Variants in CEP43 observed in about 807,000 individuals in gnomAD.
CEP43 encodes FGFR1 oncogene partner.
Under a neutral mutation model 52.6 loss-of-function variants are expected in CEP43, and 36 were observed. The observed-to-expected ratio is 0.68, with a 90% confidence interval of 0.52 to 0.90. CEP43 has a LOEUF of 0.90. Among genes scored for constraint, CEP43 ranks in the 40% least tolerant of loss-of-function variants. The pLI, the probability that CEP43 is intolerant of heterozygous loss-of-function variation, is 0.00. For missense variants in CEP43, 506 were observed against 472.8 expected (o/e 1.07, Z -0.65); for synonymous variants, 192 against 172.4 (o/e 1.11, Z -0.89).
chr6:167,001,587 C>T (rs560774766), intron 2 of CEP43, among the ~76,000 whole-genome samples: 3 of 152,296 alleles, frequency 2.0e-5, no homozygotes, highest in South Asian at 2.1e-4. Flanking sequence ...GTTTCTTTCC[C>T]GAGCTTCAGA....
chr6:167,033,190 A>G (rs1330545962), intron 11 of CEP43, among the ~76,000 whole-genome samples: 1 of 133,426 alleles, frequency 7.5e-6, no homozygotes, highest in Non-Finnish European at 1.5e-5. Flanking sequence ...GGCTCACTGC[A>G]ACCTCCTTCT....
chr6:167,036,493 G>A (rs1780587902), intron 12 of CEP43: 1 of 985,262 alleles, frequency 1.0e-6, no homozygotes, highest in South Asian at 4.7e-5. Flanking sequence ...GGAGGAAGAG[G>A]GCCACACGTT....
intron 5 of CEP43, among the ~76,000 whole-genome samples, chr6:167,009,665 C>CAAA (rs562641835): frequency 1.2e-3 from 83 of 66,630 alleles, no homozygotes; most frequent in African/African-American, 4.3e-3. Flanking sequence ...AACTCCGTCT[C>CAAA]AAAAAAAAAA....
intron 5 of CEP43, among the ~76,000 whole-genome samples, chr6:167,005,949 C>T (rs1310983757): frequency 1.3e-5 from 2 of 152,202 alleles, no homozygotes; most frequent in African/African-American, 2.4e-5. Flanking sequence ...GATCTTTCTT[C>T]CTTAACATAC....
intron 12 of CEP43, among the ~76,000 whole-genome samples, chr6:167,038,588 T>C (rs1428377753): frequency 6.6e-6 from 1 of 152,198 alleles, no homozygotes; most frequent in Non-Finnish European, 1.5e-5. Flanking sequence ...ATTTGTTTCT[T>C]AGATTAAATT....
chr6:167,040,184 T>A lies in CEP43; in HGVS notation c.*206T>A. 6.5e-7 allele frequency: 1 copy of A among 1,530,982 alleles called. No homozygotes were observed. Among genetic ancestry groups the A allele is most frequent in the Non-Finnish European group, 8.7e-7 (1 of 1,144,224 alleles). 94.8% of individuals were successfully genotyped at this position (1,530,982 alleles called of 1,614,324 possible). A position where few individuals can be genotyped will look rare whatever the true frequency, so the allele number is the denominator to read the frequency against. ...GAGCCCATGTGTGGAAGATTTAATA[T>A]TCTTAATTTAACTGTACATTTCTTT... is the stretch of plus-strand genomic sequence containing the variant. On this transcript the variant is annotated 3_prime_UTR_variant, in exon 13 of 13. Transcript: ENST00000366847.
chr6:167,003,677 C>G, intron 3 of CEP43, 46 bp from the exon 4 acceptor site: 1 of 1,183,330 alleles, frequency 8.5e-7, no homozygotes, highest in Non-Finnish European at 1.2e-6. Flanking sequence ...TTAAAAAATT[C>G]AGTTTTTGAA....
At chr6:166,999,542 G>T in intron 1 of CEP43, 28 bp downstream of exon 1, 1 of 1,374,132 alleles carries the variant, frequency 7.3e-7, no homozygotes, top group Non-Finnish European at 9.6e-7. Flanking sequence ...GGCCGGGCCT[G>T]GCGGATCCGC....
rs138977920 is a variant in CEP43 at position 167,045,721 on chromosome 6, C to G, written c.*5743C>G. On this transcript the variant is annotated 3_prime_UTR_variant, in exon 13 of 13. Transcript: ENST00000366847. ...CTGCACTCCAGCCTGGGTGACAGAG[C>G]GAGACTCCGTCTCAAAAACAACAAC... The G allele has an allele frequency of 6.6e-6, 1 of 152,320 alleles. No homozygotes were observed. The highest frequency in any genetic ancestry group is 2.4e-5 in the African/African-American group (1 of 41,452). 9.4% of individuals were successfully genotyped at this position (152,320 alleles called of 1,614,324 possible). A position where few individuals can be genotyped will look rare whatever the true frequency, so the allele number is the denominator to read the frequency against.
Position 167,004,309 on chromosome 6 carries a change from A to G in CEP43, c.346A>G (p.Ile116Val), listed in dbSNP as rs749696198. 6.2e-7 allele frequency: 1 copy of G among 1,610,474 alleles called. No homozygotes were observed. Among genetic ancestry groups the G allele is most frequent in the South Asian group, 1.1e-5 (1 of 90,476 alleles). Residue 116 changes from isoleucine to valine, a missense_variant, in exon 5 of 13, where the codon ATA becomes GTA. Ile to Val is a conservative substitution (Grantham distance 29, BLOSUM62 3). Coordinates refer to ENST00000366847, the MANE Select transcript of CEP43 (RefSeq NM_007045.4). The part of the protein sequence containing the change: ...GRENLARDLG[I>V]IEAEGTVGGP... ...AGAGAATTTAGCCCGAGATTTAGGT[A>G]TAATTGAAGCAGAAGGTACTGTGGG...
At position 167,034,166 on chromosome 6, in the gene CEP43, T is replaced by G. The variant is rs970542827; in HGVS notation, c.1125+195T>G. On this transcript the variant is annotated intron_variant, in intron 12 of 12. Transcript: ENST00000366847. ...AAGATTGGTTTTGGTTGTCACTTCC[T>G]TTGGTATGCAAGTCTCGCTGCTGAA... Among the ~76,000 whole-genome samples, 10 of 152,240 alleles carry G rather than the reference T, an allele frequency of 6.6e-5. No individual in the cohort carries two copies. The South Asian group carries it at 8.3e-4, about 13-fold the overall frequency.
chr6:167,009,763 G>A (rs1317061645), intron 5 of CEP43, among the ~76,000 whole-genome samples: 6 of 151,872 alleles, frequency 4.0e-5, no homozygotes. Context: ...TTGAATCTGG[G>A]AGGCGGAGAT....
At chr6:166,999,544 C>A in intron 1 of CEP43, 30 bp downstream of exon 1, 4 of 1,366,344 alleles carry the variant, frequency 2.9e-6, no homozygotes, top group South Asian at 3.2e-5. Flanking sequence ...CCGGGCCTGG[C>A]GGATCCGCAG....
chr6:167,003,299 G>T, intron 3 of CEP43, 52 bp downstream of exon 3: 1 of 1,010,450 alleles, frequency 9.9e-7, no homozygotes, highest in African/African-American at 1.7e-5. Context: ...TTTGAATCTT[G>T]ATACCATTTG....
At chr6:167,009,575 G>T (rs1487615865) in intron 5 of CEP43, among the ~76,000 whole-genome samples, 2 of 142,566 alleles carry the variant, frequency 1.4e-5, no homozygotes, top group East Asian at 4.2e-4. Context: ...TGAGGCAAGA[G>T]AATCGCTTGA....
intron 6 of CEP43, among the ~76,000 whole-genome samples, chr6:167,012,594 A>T (rs1282254912): frequency 6.6e-6 from 1 of 152,206 alleles, no homozygotes; most frequent in Non-Finnish European, 1.5e-5. Context: ...CTTTTTAGCA[A>T]ATTATTACTG....
rs142365952 is a variant in CEP43, at chr6:167,004,276, G to A, written c.313G>A (p.Glu105Lys). 9 of 1,602,562 alleles carry A rather than the reference G, an allele frequency of 5.6e-6. No individual in the cohort carries two copies. Among genetic ancestry groups the A allele is most frequent in the Middle Eastern group, 1.7e-4 (1 of 6,006 alleles). ...ACTTCTTTTCTAGCTGCAAGGTCTC[G>A]AAGGTCGAGAGAATTTAGCCCGAGA... ...QPETSTLQGL[E>K]GRENLARDLG... is the part of the protein sequence containing the mutation. Residue 105 changes from glutamate to lysine, a missense_variant, in exon 5 of 13, where the codon GAA becomes AAA. Transcript: ENST00000366847.
chr6:167,039,392 G>A (rs1175996609), intron 12 of CEP43, among the ~76,000 whole-genome samples: 1 of 152,220 alleles, frequency 6.6e-6, no homozygotes, highest in Admixed American at 6.5e-5. Flanking sequence ...GCTTCCCAAA[G>A]GGTTGGGATT....
At chr6:167,034,269 T>C (rs73030129) in intron 12 of CEP43, among the ~76,000 whole-genome samples, 3,083 of 152,168 alleles carry the variant, frequency 0.02, 53 homozygotes, top group East Asian at 0.091. Flanking sequence ...TTAGTGAGAA[T>C]TGACCACCTG....
Sources: allele counts gnomAD v4.1 joint callset (sites outside exome capture counted in the v4.1 genomes callset), GRCh38; gene constraint gnomAD v4.1.1; transcripts MANE v1.5; gene names NCBI Gene and HGNC (gene_info 2026-07-23, HGNC 2026-07-21).